TBX1: variants seen among roughly 807,000 people sequenced by gnomAD.
TBX1 encodes the protein T-box transcription factor 1.
Under a neutral mutation model 40.8 loss-of-function variants are expected in TBX1, and 16 were observed. The ratio of observed to expected loss-of-function variants is 0.39; its 90% CI spans 0.27 to 0.60. The LOEUF is 0.60. TBX1 is among the 20% of genes least tolerant of loss of function. The pLI, the probability that TBX1 is intolerant of heterozygous loss-of-function variation, is 0.51. For synonymous variants in TBX1, 403 were observed against 336.8 expected (o/e 1.20, Z -2.15); for missense variants, 755 against 728.5 (o/e 1.04, Z -0.42).
At chr22:19,759,453 C>T, upstream of TBX1, 1 of 1,414,308 alleles carries the variant, frequency 7.1e-7, no homozygotes, top group Non-Finnish European at 9.1e-7. Context: ...CGGCTGGGCA[C>T]ACGCAGTCGG....
rs574947516 is a variant in TBX1, at chr22:19,766,666, C to T, written c.1314C>T (p.Ala438=). The T allele has an allele frequency of 3.2e-4, 490 of 1,551,864 alleles. 4 individuals carry two copies. The South Asian group carries it at 5.4e-3, about 17-fold the overall frequency. The change falls in exon 7 of 7, where the codon GCC becomes GCT. Residue 438 remains alanine, a synonymous_variant. Transcript: ENST00000649276. ...PAAAYDHYLG[A]KSRPAPYPLP... is the part of the protein sequence containing the mutation. ...CCGCCTACGACCACTATCTCGGGGC[C>T]AAGAGCCGGCCGGCGCCCTACCCGC...
At chr22:19,760,615 G>A (rs1166164795), upstream of TBX1, among the ~76,000 whole-genome samples, 1 of 119,686 alleles carries the variant, frequency 8.4e-6, no homozygotes, top group Non-Finnish European at 1.8e-5. Flanking sequence ...GGCCGGGGAG[G>A]GGGAAGGGGC....
intron 3 of TBX1, 23 bp from the exon 4 acceptor site, chr22:19,764,935 T>C: frequency 6.2e-7 from 1 of 1,613,788 alleles, no homozygotes; most frequent in Non-Finnish European, 8.5e-7. Flanking sequence ...CCGCTGGAGC[T>C]GATTCCCCAC....
At chr22:19,777,182 G>C (rs1937078695) in intron 8 of TBX1, among the ~76,000 whole-genome samples, 1 of 151,994 alleles carries the variant, frequency 6.6e-6, no homozygotes, top group South Asian at 2.1e-4. Context: ...TTTAGCATTA[G>C]GTATGTCTCC....
At chr22:19,768,266 G>A (rs957667441), downstream of TBX1, among the ~76,000 whole-genome samples, 6 of 152,208 alleles carry the variant, frequency 3.9e-5, no homozygotes, top group Non-Finnish European at 8.8e-5. Context: ...ACGTGGTAGC[G>A]GCAGCCTGAG....
At chr22:19,759,577 C>T, upstream of TBX1, 1 of 1,597,362 alleles carries the variant, frequency 6.3e-7, no homozygotes, top group Non-Finnish European at 8.5e-7. Context: ...CGGAGCGCAC[C>T]GCCCACCAGG....
chr22:19,771,485 G>C (rs933808957), downstream of TBX1, among the ~76,000 whole-genome samples: 4 of 152,206 alleles, frequency 2.6e-5, no homozygotes, highest in Admixed American at 6.5e-5. Context: ...CAGCCCATGT[G>C]GGGGAGAGGC....
At position 19,761,180 on chromosome 22, in the gene TBX1, A is replaced by G; in HGVS notation, c.337A>G (p.Asn113Asp). The change falls in exon 1 of 7, where the codon AAC (asparagine) becomes GAC (aspartate). Residue 113 changes from asparagine to aspartate, a missense_variant. Physicochemically the swap from Asn to Asp is conservative, Grantham distance 23. Around this residue, in one of 3 missense-constraint regions of TBX1, gnomAD observed 199 missense variants for 173.0 expected, o/e 1.15. Transcript: ENST00000649276. Reference sequence around the variant, plus strand: ...CGCAGCCAAGGCGCCGGTGAAGAAGAACGCGAAGGTGGCCGGTGTGAGCGT... The same window carrying G: ...CGCAGCCAAGGCGCCGGTGAAGAAGGACGCGAAGGTGGCCGGTGTGAGCGT... ...AAAAKAPVKKNAKVAGVSVQL... is the reference protein window; with the variant it reads ...AAAAKAPVKKDAKVAGVSVQL... The G allele has an allele frequency of 6.5e-7, 1 of 1,533,856 alleles. No homozygotes were observed. The highest frequency in any genetic ancestry group is 1.9e-5 in the Admixed American group (1 of 53,306).
Position 19,765,886 on chromosome 22 carries a change from C to T in TBX1, c.936-16C>T, listed in dbSNP as rs765842871. 3.9e-6 allele frequency: 6 copies of T among 1,548,548 alleles called. No homozygotes were observed. In the South Asian group the frequency reaches 5.9e-5, roughly 15 times the overall value. ...GCCTGGCGCAGGCGCCGCCCTGATC[C>T]GCCTCCCGCCCGCAGGCCCCGGAAC... On this transcript the variant is annotated splice_polypyrimidine_tract_variant and intron_variant, in intron 5 of 6. Coordinates refer to ENST00000649276, the MANE Select transcript of TBX1 (RefSeq NM_001379200.1).
At chr22:19,773,864 G>A (rs35412170) in intron 8 of TBX1, among the ~76,000 whole-genome samples, 61 of 152,214 alleles carry the variant, frequency 4.0e-4, no homozygotes, top group African/African-American at 1.2e-3. Context: ...CTGGCCCCTC[G>A]GCCCTCAGCC....
chr22:19,780,752 G>C (rs893525010), downstream of TBX1, among the ~76,000 whole-genome samples: 1 of 146,844 alleles, frequency 6.8e-6, no homozygotes, highest in African/African-American at 2.5e-5. Flanking sequence ...CAAGGGTTCA[G>C]ATTTCTCCAC....
At chr22:19,777,065 T>C (rs928343847) in intron 8 of TBX1, among the ~76,000 whole-genome samples, 1 of 137,724 alleles carries the variant, frequency 7.3e-6, no homozygotes, top group East Asian at 2.3e-4. Context: ...TAATTTAATA[T>C]AATTTAATTA....
At chr22:19,782,637 C>T (rs1161448396), downstream of TBX1, among the ~76,000 whole-genome samples, 3 of 152,118 alleles carry the variant, frequency 2.0e-5, no homozygotes, top group African/African-American at 7.2e-5. Context: ...TTATCACACC[C>T]GCAGGGCTGA....
rs1425084997 is a variant in TBX1, at chr22:19,760,895, G to C, written c.52G>C (p.Asp18His). ...GCTCACGCAGCTCTCGCATTTCTGC[G>C]ACGTTGCAGCCTTCACGGCCAGCAG... is the stretch of plus-strand genomic sequence containing the variant. ...PWLTQLSHFC[D>H]VAAFTASSLS... Residue 18 changes from aspartate to histidine, a missense_variant, in exon 1 of 7, where the codon GAC (aspartate) becomes CAC (histidine). Physicochemically the swap from Asp to His is moderately conservative, Grantham distance 81 (BLOSUM62 -1). Coordinates refer to ENST00000649276, the MANE Select transcript of TBX1 (RefSeq NM_001379200.1). 1.9e-6 allele frequency: 2 copies of C among 1,056,436 alleles called. No individual in the cohort carries two copies. Among genetic ancestry groups the C allele is most frequent in the Non-Finnish European group, 2.3e-6 (2 of 866,314 alleles). 65.4% of individuals were successfully genotyped at this position (1,056,436 alleles called of 1,614,324 possible). A position where few individuals can be genotyped will look rare whatever the true frequency, so the allele number is the denominator to read the frequency against.
chr22:19,767,511 C>T (rs919326826), downstream of TBX1, among the ~76,000 whole-genome samples: 4 of 152,194 alleles, frequency 2.6e-5, no homozygotes, highest in African/African-American at 7.2e-5. Context: ...TCTGCCCGCC[C>T]CATAGGGGCT....
chr22:19,764,049 C>T (rs1195437662), intron 2 of TBX1, 106 bp from the exon 3 acceptor site: 19 of 1,292,764 alleles, frequency 1.5e-5, no homozygotes, highest in South Asian at 1.3e-4. Flanking sequence ...TTCAATCTCA[C>T]AGGTGGGGAA....
At position 19,761,556 on chromosome 22, in the gene TBX1, C is replaced by T. The variant is rs577852751; in HGVS notation, c.437+276C>T. Among the ~76,000 whole-genome samples the T allele has an allele frequency of 4.0e-5, 6 of 151,882 alleles. No homozygotes were observed. In the South Asian group the frequency reaches 1.2e-3, roughly 31 times the overall value. ...ACGGCGAGGAGCCCCGCGGGACTCG[C>T]CCGCCCGCCCCGCAGCCCCAGGACG... On this transcript the variant is annotated intron_variant, in intron 1 of 6. Transcript: ENST00000649276.
intron 8 of TBX1, among the ~76,000 whole-genome samples, chr22:19,774,510 T>C (rs1327398801): frequency 6.6e-6 from 1 of 152,156 alleles, no homozygotes; most frequent in Non-Finnish European, 1.5e-5. Context: ...CAAAGAGATA[T>C]TTCTCCACCC....
intron 4 of TBX1, 132 bp from the exon 5 acceptor site, chr22:19,765,626 G>GTGGAC: frequency 1.0e-6 from 1 of 981,460 alleles, no homozygotes. Flanking sequence ...AGGGGCAGAC[G>GTGGAC]TGGACTGGTT....
Sources: gnomAD v4.1 joint callset for allele counts (sites outside exome capture counted in the v4.1 genomes callset) on GRCh38, gnomAD v4.1.1 for gene constraint, gnomAD v4.1.1 regional missense constraint, MANE v1.5 for transcripts, NCBI Gene and HGNC (gene_info 2026-07-23, HGNC 2026-07-21) for gene names.